Variants in OC90 observed in about 807,000 individuals in gnomAD.
OC90 encodes the protein otoconin-90.
A neutral mutation model predicts 47.3 loss-of-function variants in OC90; 46 were observed. That is an observed-to-expected ratio of 0.97 (90% CI 0.77 to 1.24). The LOEUF is 1.24. Among genes scored for constraint, OC90 ranks in the 50% most tolerant of loss-of-function variants. The pLI is 0.00. For synonymous variants in OC90, 271 were observed against 219.5 expected (o/e 1.23, Z -2.07); for missense variants, 688 against 583.9 (o/e 1.18, Z -1.84).
chr8:132,035,941 C>T (rs973608704), intron 9 of OC90, among the ~76,000 whole-genome samples: 6 of 152,126 alleles, frequency 3.9e-5, no homozygotes, highest in Non-Finnish European at 7.4e-5. Flanking sequence ...ACCAAAGAAC[C>T]CATTTACTTA....
rs1299753800 is a variant in OC90, at chr8:132,044,401, G to A, written c.169+32C>T. 5 of 1,284,852 alleles carry A rather than the reference G, an allele frequency of 3.9e-6. No individual in the cohort carries two copies. The African/African-American group carries it at 5.9e-5, about 15-fold the overall frequency. 79.6% of individuals were successfully genotyped at this position (1,284,852 alleles called of 1,614,324 possible). A position where few individuals can be genotyped will look rare whatever the true frequency, so the allele number is the denominator to read the frequency against. ...TTTGTCCACACATGCTCTGACCTCT[G>A]GTGGATAAAAGCAATTTTAGACTTA... On this transcript the variant is annotated intron_variant, in intron 4 of 13. Coordinates refer to ENST00000254627, the MANE Select transcript of OC90 (RefSeq NM_001080399.3).
intron 8 of OC90, among the ~76,000 whole-genome samples, chr8:132,038,499 GA>G (rs1290255605): frequency 6.6e-6 from 1 of 152,246 alleles, no homozygotes; most frequent in Non-Finnish European, 1.5e-5. Context: ...TCTGACTACA[GA>G]GTGAGAAAGG....
chr8:132,058,019 A>G (rs1823298163), intron 1 of OC90, among the ~76,000 whole-genome samples: 1 of 152,224 alleles, frequency 6.6e-6, no homozygotes. Context: ...AACTGTCACA[A>G]TTATCGGTAG....
Position 132,024,692 on chromosome 8 carries a change from T to C in OC90, c.1223A>G (p.Gln408Arg), listed in dbSNP as rs1349546052. The C allele has an allele frequency of 6.2e-7, 1 of 1,613,710 alleles. No homozygotes were observed. Among genetic ancestry groups the C allele is most frequent in the East Asian group, 2.2e-5 (1 of 44,862 alleles). Reference protein sequence around the residue: ...AECMTSASFNQSLKSPSRLGC... With the variant: ...AECMTSASFNRSLKSPSRLGC... The stretch of plus-strand genomic sequence containing the variant: ...GAGTCTGCTTGGGGACTTGAGGCTT[T>C]GGTTAAAGGAGGCAGAGGTCATGCA... The change falls in exon 14 of 14, where the codon CAA (glutamine) becomes CGA (arginine). Residue 408 changes from glutamine to arginine, a missense_variant. Gln to Arg is a conservative substitution (Grantham distance 43). Coordinates refer to ENST00000254627, the MANE Select transcript of OC90 (RefSeq NM_001080399.3).
chr8:132,032,135 G>A, intron 11 of OC90, 83 bp from the exon 12 acceptor site: 1 of 1,269,676 alleles, frequency 7.9e-7, no homozygotes, highest in Non-Finnish European at 1.1e-6. Context: ...CCTCCGGGTT[G>A]TATGTGGACA....
In OC90 at chr8:132,041,108, G is replaced by A; in HGVS notation, c.393C>T (p.Asp131=). 1.9e-6 allele frequency: 3 copies of A among 1,613,894 alleles called. No individual in the cohort carries two copies. The highest frequency in any genetic ancestry group is 2.5e-6 in the Non-Finnish European group (3 of 1,179,752). ...RRCYEEAAEM[D]CLQDPAKLST... ...TAAGTTTGGCGGGGTCTTGGAGACAGTCCATCTCAGCGGCCTCCTCATAGC... is the reference window on the plus strand; with the variant it reads ...TAAGTTTGGCGGGGTCTTGGAGACAATCCATCTCAGCGGCCTCCTCATAGC... The change falls in exon 6 of 14, where the codon GAC becomes GAT. Residue 131 remains aspartate (D), a synonymous_variant. Coordinates refer to ENST00000254627, the MANE Select transcript of OC90 (RefSeq NM_001080399.3).
intron 12 of OC90, among the ~76,000 whole-genome samples, chr8:132,031,166 G>A (rs1822867662): frequency 6.6e-6 from 1 of 152,088 alleles, no homozygotes; most frequent in South Asian, 2.1e-4. Context: ...TATTATATTG[G>A]GTAGTACTTT....
intron 12 of OC90, among the ~76,000 whole-genome samples, 159 bp downstream of exon 12, chr8:132,031,722 C>T (rs1167417465): frequency 6.6e-6 from 1 of 152,152 alleles, no homozygotes; most frequent in African/African-American, 2.4e-5. Flanking sequence ...GGAAAGTGGG[C>T]CTATGATGCT....
chr8:132,043,593 G>A (rs180956709), intron 4 of OC90, among the ~76,000 whole-genome samples: 4 of 152,286 alleles, frequency 2.6e-5, no homozygotes, highest in Non-Finnish European at 5.9e-5. Context: ...TCACAAGACG[G>A]AGCTTAAGGG....
intron 9 of OC90, chr8:132,036,266 G>T: frequency 1.4e-6 from 1 of 727,314 alleles, no homozygotes; most frequent in Non-Finnish European, 2.5e-6. Context: ...TTTATTTCAG[G>T]TTCCATTAAG....
At chr8:132,051,595 G>A (rs1478214243) in intron 2 of OC90, among the ~76,000 whole-genome samples, 3 of 152,198 alleles carry the variant, frequency 2.0e-5, no homozygotes, top group Admixed American at 6.5e-5. Flanking sequence ...GGCTATTTGT[G>A]AGTTTATATC....
At chr8:132,049,467 C>A (rs1227229157) in intron 2 of OC90, among the ~76,000 whole-genome samples, 1 of 152,186 alleles carries the variant, frequency 6.6e-6, no homozygotes, top group African/African-American at 2.4e-5. Context: ...GAGTAAAGGG[C>A]TCCAGGTCAG....
At chr8:132,055,403 A>T (rs1043191249) in intron 1 of OC90, among the ~76,000 whole-genome samples, 1 of 152,194 alleles carries the variant, frequency 6.6e-6, no homozygotes. Flanking sequence ...AGGATTGAGG[A>T]TCCAGGAGTG....
chr8:132,046,675 A>G (rs1180942650), intron 2 of OC90, among the ~76,000 whole-genome samples: 1 of 152,178 alleles, frequency 6.6e-6, no homozygotes, highest in Non-Finnish European at 1.5e-5. Context: ...GTTCCTGCTC[A>G]TATTTTTCTT....
chr8:132,053,690 C>T (rs1388673512), intron 2 of OC90, among the ~76,000 whole-genome samples: 2 of 152,126 alleles, frequency 1.3e-5, no homozygotes, highest in African/African-American at 4.8e-5. Context: ...GAAATGGGAG[C>T]CAACACATGG....
Position 132,028,563 on chromosome 8 carries a change from A to AAAGGAAGG in OC90, c.1138+502_1138+509dup, listed in dbSNP as rs869234363. Among the ~76,000 whole-genome samples, 155 of 31,362 alleles carry AAAGGAAGG rather than the reference A, an allele frequency of 4.9e-3. 1 individual carries two copies. The highest frequency in any genetic ancestry group is 0.026 in the Middle Eastern group (1 of 38). The allele number at this position is 31,362 out of a possible 152,430, so 20.6% of individuals were successfully genotyped here. On this transcript the variant is annotated intron_variant, in intron 13 of 13. Transcript: ENST00000254627. The stretch of plus-strand genomic sequence containing the variant: ...GAAAGAAAGAAAGAAAGAAAGAAAG[A>AAAGGAAGG]AAGGAAGGAAGGAAGGAAGGAAGGA...
At chr8:132,040,842 A>T (rs988839561) in intron 6 of OC90, among the ~76,000 whole-genome samples, 5 of 152,248 alleles carry the variant, frequency 3.3e-5, no homozygotes, top group African/African-American at 7.2e-5. Flanking sequence ...ATTTCAACTC[A>T]AAAACATTTA....
At chr8:132,052,633 A>T (rs1018795491) in intron 2 of OC90, among the ~76,000 whole-genome samples, 1 of 152,228 alleles carries the variant, frequency 6.6e-6, no homozygotes, top group Admixed American at 6.5e-5. Flanking sequence ...CCGAGGACTA[A>T]GTTAGTTCAC....
chr8:132,057,958 T>G (rs1823297078), intron 1 of OC90, among the ~76,000 whole-genome samples: 1 of 152,242 alleles, frequency 6.6e-6, no homozygotes, highest in African/African-American at 2.4e-5. Context: ...CCTAAACTGC[T>G]AGGCCGGTCC....
Sources: allele counts gnomAD v4.1 joint callset (sites outside exome capture counted in the v4.1 genomes callset), GRCh38; gene constraint gnomAD v4.1.1; transcripts MANE v1.5; gene names NCBI Gene and HGNC (gene_info 2026-07-23, HGNC 2026-07-21).